Variants in BANK1 observed in about 807,000 individuals in gnomAD.
The protein encoded by BANK1 is B cell scaffold protein with ankyrin repeats 1.
In BANK1, 95 loss-of-function variants were observed where a neutral mutation model predicts 94.5. That is an observed-to-expected ratio of 1.00 (90% CI 0.85 to 1.19). The LOEUF (loss-of-function observed/expected upper bound fraction) is 1.19. Among genes scored for constraint, BANK1 ranks in the 50% most tolerant of loss-of-function variants. BANK1 has a pLI of 0.00. For synonymous variants in BANK1, 334 were observed against 308.4 expected, an observed-to-expected ratio of 1.08 and a Z score of -0.87; for missense variants, 987 against 932.2, an observed-to-expected ratio of 1.06 and a Z score of -0.77.
At chr4:102,071,176 A>G (rs1430833668) in intron 13 of BANK1, 99 bp from the exon 14 acceptor site, 1 of 1,358,510 alleles carries the variant, frequency 7.4e-7, no homozygotes, top group Non-Finnish European at 1.0e-6. Flanking sequence ...TAGCAACCTC[A>G]AAGACAAGAA....
intron 7 of BANK1, among the ~76,000 whole-genome samples, chr4:101,940,623 G>A (rs912429476): frequency 6.6e-6 from 1 of 151,738 alleles, no homozygotes; most frequent in African/African-American, 2.4e-5. Flanking sequence ...TTAATACAGT[G>A]TTAAGGAGTG....
chr4:101,842,611 A>G lies in BANK1; in HGVS notation c.469+12405A>G, dbSNP rs555509946. Among the ~76,000 whole-genome samples the G allele has an allele frequency of 7.2e-4, 110 of 152,328 alleles. 2 individuals are homozygous for G. The South Asian group carries it at 0.022, about 30-fold the overall frequency. On this transcript the variant is annotated intron_variant, in intron 2 of 16. Coordinates refer to ENST00000322953, the MANE Select transcript of BANK1 (RefSeq NM_017935.5). ...ACTTTGAAAAAATAATTTTTAGGCT[A>G]CTTGCAGAGAACTAGATCATTTCTA...
chr4:101,867,233 C>A, intron 4 of BANK1, among the ~76,000 whole-genome samples: 1 of 140,654 alleles, frequency 7.1e-6, no homozygotes. Flanking sequence ...ACCACACAAG[C>A]AAGAAAATAG....
intron 5 of BANK1, among the ~76,000 whole-genome samples, chr4:101,876,285 T>C (rs887026564): frequency 2.0e-5 from 3 of 152,194 alleles, no homozygotes; most frequent in Admixed American, 6.5e-5. Context: ...GGGAAGACTT[T>C]CTATGCTTGA....
intron 5 of BANK1, among the ~76,000 whole-genome samples, chr4:101,888,112 C>T (rs1307424497): frequency 6.6e-6 from 1 of 152,132 alleles, no homozygotes; most frequent in Non-Finnish European, 1.5e-5. Context: ...CTTTCTTTTA[C>T]TAGTGAAACT....
At chr4:102,070,859 T>C (rs1392286466) in intron 13 of BANK1, among the ~76,000 whole-genome samples, 1 of 152,320 alleles carries the variant, frequency 6.6e-6, no homozygotes, top group African/African-American at 2.4e-5. Flanking sequence ...CTAATTAAGT[T>C]GGTGGGTACA....
chr4:101,832,548 C>A (rs1283801572), intron 2 of BANK1, among the ~76,000 whole-genome samples: 1 of 152,130 alleles, frequency 6.6e-6, no homozygotes, highest in Non-Finnish European at 1.5e-5. Flanking sequence ...TTTATACTTT[C>A]ATGAGTTTCT....
At chr4:101,875,821 T>C (rs1052946629) in intron 5 of BANK1, among the ~76,000 whole-genome samples, 2 of 152,106 alleles carry the variant, frequency 1.3e-5, no homozygotes, top group Non-Finnish European at 2.9e-5. Flanking sequence ...TGAAAGGCAA[T>C]CTAGGCCAAA....
chr4:101,986,905 A>ATG (rs1725522455), intron 7 of BANK1, among the ~76,000 whole-genome samples: 1 of 108,452 alleles, frequency 9.2e-6, no homozygotes, highest in Non-Finnish European at 1.9e-5. Flanking sequence ...GTGTGTATAT[A>ATG]TATATATATA....
At chr4:102,032,726 T>C (rs1906081) in intron 10 of BANK1, among the ~76,000 whole-genome samples, 101,687 of 151,564 alleles carry the variant, frequency 0.67, 34,803 homozygotes, top group African/African-American at 0.81. Context: ...CTACTAAAAA[T>C]ACAAAAAAGT....
At chr4:101,934,721 A>C (rs1295106675) in intron 7 of BANK1, among the ~76,000 whole-genome samples, 3 of 151,588 alleles carry the variant, frequency 2.0e-5, no homozygotes, top group Admixed American at 2.0e-4. Context: ...TTCATAAATA[A>C]ATGGACAATT....
intron 2 of BANK1, among the ~76,000 whole-genome samples, chr4:101,852,820 T>C (rs1021510754): frequency 2.0e-5 from 3 of 152,108 alleles, no homozygotes; most frequent in African/African-American, 7.2e-5. Context: ...ATAAATCTTT[T>C]TGTACATTTG....
At position 101,840,465 on chromosome 4, in the gene BANK1, G is replaced by A. The variant is rs550522740; in HGVS notation, c.469+10259G>A. ...GCACTGTGACTTGTTTGTGATGACCGTGACACACATGCTGAAGGTTGTGTG... is the reference window on the plus strand; with the variant it reads ...GCACTGTGACTTGTTTGTGATGACCATGACACACATGCTGAAGGTTGTGTG... On this transcript the variant is annotated intron_variant, in intron 2 of 16. Transcript: ENST00000322953. 1.2e-4 allele frequency among the ~76,000 whole-genome samples: 19 copies of A among 152,214 alleles called. 1 individual carries two copies. In the East Asian group the frequency reaches 2.9e-3, roughly 23 times the overall value.
At position 101,836,829 on chromosome 4, in the gene BANK1, T is replaced by C. The variant is rs529211808; in HGVS notation, c.469+6623T>C. On this transcript the variant is annotated intron_variant, in intron 2 of 16. Coordinates refer to ENST00000322953, the MANE Select transcript of BANK1 (RefSeq NM_017935.5). ...GGTTAAAAGAAAGGGTGAATTATTATTTCACAATAAACTAATCCAAAGCCA... is the reference window on the plus strand; with the variant it reads ...GGTTAAAAGAAAGGGTGAATTATTACTTCACAATAAACTAATCCAAAGCCA... Among the ~76,000 whole-genome samples, 199 of 152,350 alleles carry C rather than the reference T, an allele frequency of 1.3e-3. 1 individual carries two copies. Among genetic ancestry groups the C allele is most frequent in the African/African-American group, 4.3e-3 (178 of 41,582 alleles).
chr4:102,007,500 A>G (rs1726345645), intron 7 of BANK1, among the ~76,000 whole-genome samples: 1 of 152,044 alleles, frequency 6.6e-6, no homozygotes. Context: ...TGCTATGTTA[A>G]TAGGGGGCCA....
intron 7 of BANK1, among the ~76,000 whole-genome samples, chr4:102,001,284 G>A (rs1380559256): frequency 6.6e-6 from 1 of 152,184 alleles, no homozygotes; most frequent in Non-Finnish European, 1.5e-5. Flanking sequence ...GTTTTATTCT[G>A]TTACCACTTC....
chr4:102,012,446 C>A (rs1270882990), intron 7 of BANK1, among the ~76,000 whole-genome samples: 2 of 152,066 alleles, frequency 1.3e-5, no homozygotes, highest in Non-Finnish European at 1.5e-5. Flanking sequence ...TTATTCCAGC[C>A]ATATGAACAC....
chr4:101,992,778 T>C (rs1725751070), intron 7 of BANK1, among the ~76,000 whole-genome samples: 1 of 152,170 alleles, frequency 6.6e-6, no homozygotes, highest in Non-Finnish European at 1.5e-5. Context: ...AAATATCTAT[T>C]ACTTAAGCTT....
intron 7 of BANK1, among the ~76,000 whole-genome samples, chr4:101,999,867 C>T (rs908698101): frequency 6.6e-6 from 1 of 152,006 alleles, no homozygotes; most frequent in Non-Finnish European, 1.5e-5. Flanking sequence ...TACAAAGACC[C>T]AGAAGTGAAA....
Sources: allele counts gnomAD v4.1 joint callset (sites outside exome capture counted in the v4.1 genomes callset), GRCh38; gene constraint gnomAD v4.1.1; transcripts MANE v1.5; gene names NCBI Gene and HGNC (gene_info 2026-07-23, HGNC 2026-07-21).